The following VCL variants were observed in gnomAD, a reference collection of about 807,000 sequenced individuals.
The protein encoded by VCL is epididymis luminal protein 114.
A neutral mutation model predicts 125.7 loss-of-function variants in VCL; 47 were observed. That is an observed-to-expected ratio of 0.37 (90% CI 0.30 to 0.48). The LOEUF (loss-of-function observed/expected upper bound fraction) is 0.48. VCL is among the 20% of genes least tolerant of loss of function. VCL has a pLI of 0.99. For missense variants in VCL, 1,069 were observed against 1,455.5 expected (o/e 0.73, Z 4.32); for synonymous variants, 458 against 514.6 (o/e 0.89, Z 1.49).
At chr10:74,114,636 C>T (rs1014201670) in intron 20 of VCL, among the ~76,000 whole-genome samples, 159 bp from the exon 21 acceptor site, 16 of 151,436 alleles carry the variant, frequency 1.1e-4, no homozygotes, top group Admixed American at 8.6e-4. Flanking sequence ...ATGGATTGTA[C>T]TGACCCTAGG....
intron 1 of VCL, among the ~76,000 whole-genome samples, chr10:74,005,431 T>C (rs1323028370): frequency 5.3e-5 from 8 of 151,880 alleles, no homozygotes; most frequent in Admixed American, 5.2e-4. Context: ...ATTTTTTGTA[T>C]TTTTAGTAGA....
intron 21 of VCL, among the ~76,000 whole-genome samples, chr10:74,117,476 G>A (rs902345403): frequency 6.6e-6 from 1 of 152,136 alleles, no homozygotes. Flanking sequence ...GCAACATGGC[G>A]GAACCCCATC....
intron 5 of VCL, 141 bp downstream of exon 5, chr10:74,072,993 T>C (rs886575144): frequency 4.8e-6 from 6 of 1,262,618 alleles, no homozygotes; most frequent in Non-Finnish European, 5.5e-6. Context: ...CAGGCTGGAG[T>C]GCAGTGGTGC....
At position 74,070,785 on chromosome 10, in the gene VCL, A is replaced by T. The variant is rs1460674007; in HGVS notation, c.355A>T (p.Thr119Ser). Residue 119 changes from threonine to serine, a missense_variant, in exon 3 of 22, where the codon ACA becomes TCA. Thr to Ser is a moderately conservative substitution (Grantham distance 58). Coordinates refer to ENST00000211998, the MANE Select transcript of VCL (RefSeq NM_014000.3). ...IDGSRGILSGTSDLLLTFDEA... is the reference protein window; with the variant it reads ...IDGSRGILSGSSDLLLTFDEA... ...TGGGTCAAGGGGCATCCTCTCTGGA[A>T]CATCAGACCTGCTCCTTACCTTCGA... is the stretch of plus-strand genomic sequence containing the variant. 6.2e-7 allele frequency: 1 copy of T among 1,614,014 alleles called. No individual in the cohort carries two copies.
chr10:74,036,354 C>T (rs965887067), intron 1 of VCL, among the ~76,000 whole-genome samples: 7 of 152,086 alleles, frequency 4.6e-5, no homozygotes, highest in African/African-American at 1.7e-4. Context: ...AGGCGCCCAC[C>T]ATCACGCCCG....
chr10:74,047,616 T>G (rs1012427358), intron 2 of VCL, among the ~76,000 whole-genome samples: 1 of 152,202 alleles, frequency 6.6e-6, no homozygotes, highest in African/African-American at 2.4e-5. Context: ...CATTTATTGT[T>G]AGATCAGTCT....
chr10:74,118,150 A>C lies in VCL; in HGVS notation c.3386A>C (p.Lys1129Thr). 1 of 1,614,116 alleles carries C rather than the reference A, an allele frequency of 6.2e-7. No homozygotes were observed. The highest frequency in any genetic ancestry group is 8.5e-7 in the Non-Finnish European group (1 of 1,180,006). The stretch of plus-strand genomic sequence containing the variant: ...GGATTTACACTGCGCTGGGTTAGAA[A>C]GACTCCCTGGTACCAGTAGGCACCT... Reference protein sequence around the residue: ...DAGFTLRWVRKTPWYQ With the variant: ...DAGFTLRWVRTTPWYQ Residue 1129 changes from lysine to threonine, a missense_variant, in exon 22 of 22, where the codon AAG becomes ACG. By Grantham distance (78) the Lys-to-Thr change is moderately conservative. Around this residue, in one of 6 missense-constraint regions of VCL, gnomAD observed 91 missense variants for 203.9 expected, o/e 0.45. Coordinates refer to ENST00000211998, the MANE Select transcript of VCL (RefSeq NM_014000.3).
chr10:74,078,182 C>G (rs1401424174), intron 6 of VCL, among the ~76,000 whole-genome samples: 1 of 152,116 alleles, frequency 6.6e-6, no homozygotes, highest in Non-Finnish European at 1.5e-5. Flanking sequence ...TACATAGGCA[C>G]TCCTGCAGCT....
intron 16 of VCL, 79 bp downstream of exon 16, chr10:74,105,432 C>T: frequency 6.4e-7 from 1 of 1,567,202 alleles, no homozygotes; most frequent in Non-Finnish European, 8.8e-7. Flanking sequence ...ATGTACCCCA[C>T]AACCACCACA....
intron 8 of VCL, among the ~76,000 whole-genome samples, chr10:74,086,961 G>GA (rs1468300666): frequency 2.6e-5 from 4 of 151,996 alleles, no homozygotes; most frequent in Non-Finnish European, 4.4e-5. Flanking sequence ...TGTTTTGAAT[G>GA]AAAAAACTGT....
At chr10:74,054,315 T>C (rs1841357618) in intron 2 of VCL, among the ~76,000 whole-genome samples, 1 of 152,200 alleles carries the variant, frequency 6.6e-6, no homozygotes, top group Non-Finnish European at 1.5e-5. Flanking sequence ...GCAATATTGT[T>C]AGGTGGTTAC....
At chr10:74,056,691 G>A (rs1318739499) in intron 2 of VCL, among the ~76,000 whole-genome samples, 3 of 152,108 alleles carry the variant, frequency 2.0e-5, no homozygotes, top group Non-Finnish European at 1.5e-5. Flanking sequence ...CCTAAAAACT[G>A]TAACTATGCT....
At chr10:74,078,103 C>G (rs182006126) in intron 6 of VCL, among the ~76,000 whole-genome samples, 59 of 151,950 alleles carry the variant, frequency 3.9e-4, no homozygotes, top group Non-Finnish European at 7.2e-4. Context: ...TATCTTGATG[C>G]ATGCTGAGAA....
intron 21 of VCL, 51 bp downstream of exon 21, chr10:74,114,950 G>A (rs937139491): frequency 3.3e-6 from 5 of 1,517,200 alleles, no homozygotes; most frequent in Admixed American, 2.0e-5. Context: ...GTGCCGTTTT[G>A]CAGTAATTTA....
At chr10:74,007,027 A>G (rs1219700163) in intron 1 of VCL, among the ~76,000 whole-genome samples, 1 of 152,116 alleles carries the variant, frequency 6.6e-6, no homozygotes, top group Non-Finnish European at 1.5e-5. Flanking sequence ...GTGCAGTGGC[A>G]CAATCTGGGC....
chr10:74,115,428 A>T (rs1310738609), intron 21 of VCL, among the ~76,000 whole-genome samples: 2 of 151,782 alleles, frequency 1.3e-5, no homozygotes, highest in African/African-American at 4.9e-5. Context: ...AAGTAAATAA[A>T]AGGAATCTGG....
At chr10:74,111,484 G>T (rs1840217331) in intron 18 of VCL, among the ~76,000 whole-genome samples, 1 of 152,178 alleles carries the variant, frequency 6.6e-6, no homozygotes. Flanking sequence ...AGTAACTTGT[G>T]TGGCTGCATT....
intron 2 of VCL, among the ~76,000 whole-genome samples, chr10:74,066,059 ATATT>A (rs1841564425): frequency 7.1e-6 from 1 of 141,826 alleles, no homozygotes; most frequent in Non-Finnish European, 1.5e-5. Context: ...ATATATATAT[ATATT>A]TTTTTTTTTT....
At chr10:74,108,430 A>G (rs1030004215) in intron 17 of VCL, among the ~76,000 whole-genome samples, 1 of 150,966 alleles carries the variant, frequency 6.6e-6, no homozygotes, top group African/African-American at 2.4e-5. Context: ...AGCACTGTGT[A>G]TACTTCCCTG....
Sources: gnomAD v4.1 joint callset for allele counts (sites outside exome capture counted in the v4.1 genomes callset) on GRCh38, gnomAD v4.1.1 for gene constraint, gnomAD v4.1.1 regional missense constraint, MANE v1.5 for transcripts, NCBI Gene and HGNC (gene_info 2026-07-23, HGNC 2026-07-21) for gene names.